Variants in CAMK2B observed in about 807,000 individuals in gnomAD.
CAMK2B encodes calcium/calmodulin dependent protein kinase II beta.
A neutral mutation model predicts 93.7 loss-of-function variants in CAMK2B; 27 were observed. That is an observed-to-expected ratio of 0.29 (90% CI 0.21 to 0.40). The LOEUF (loss-of-function observed/expected upper bound fraction) is 0.40, where lower values mean the gene tolerates loss of function less well. Among genes scored for constraint, CAMK2B ranks in the 10% least tolerant of loss-of-function variants. The probability of loss-of-function intolerance (pLI) is 1.00; values close to 1 mark genes in which losing one functional copy is unlikely to be tolerated. For synonymous variants in CAMK2B, 374 were observed against 358.8 expected (o/e 1.04, Z -0.48); for missense variants, 568 against 895.8 (o/e 0.63, Z 4.67).
chr7:44,292,816 A>G (rs1787227525), intron 1 of CAMK2B, among the ~76,000 whole-genome samples: 1 of 152,220 alleles, frequency 6.6e-6, no homozygotes, highest in African/African-American at 2.4e-5. Context: ...CTGAAGCCAC[A>G]AGAGATGCTT....
intron 2 of CAMK2B, among the ~76,000 whole-genome samples, chr7:44,280,002 C>T (rs889594204): frequency 6.6e-6 from 1 of 152,186 alleles, no homozygotes; most frequent in Admixed American, 6.5e-5. Context: ...CACACAGCGT[C>T]GTAGCTGCTG....
At chr7:44,319,194 AT>A in intron 1 of CAMK2B, among the ~76,000 whole-genome samples, 1 of 152,320 alleles carries the variant, frequency 6.6e-6, no homozygotes, top group Non-Finnish European at 1.5e-5. Flanking sequence ...AGAGAATTAA[AT>A]TTTTTGAAAA....
intron 12 of CAMK2B, among the ~76,000 whole-genome samples, chr7:44,240,017 G>C (rs1051955142): frequency 5.3e-5 from 8 of 152,158 alleles, no homozygotes; most frequent in African/African-American, 1.9e-4. Context: ...GATGGCGGGT[G>C]GGGGGCACCA....
At position 44,220,071 on chromosome 7, in the gene CAMK2B, C is replaced by T. The variant is rs150592735; in HGVS notation, c.1992G>A (p.Pro664=). 3.5e-5 allele frequency: 55 copies of T among 1,588,912 alleles called. 1 individual carries two copies. Among genetic ancestry groups the T allele is most frequent in the African/African-American group, 8.1e-5 (6 of 74,458 alleles). The change falls in exon 23 of 24, where the codon CCG becomes CCA. Residue 664 remains proline, a synonymous_variant. Coordinates refer to ENST00000395749, the MANE Select transcript of CAMK2B (RefSeq NM_001220.5). ...HFHCSGAPVA[P]LQ is the part of the protein sequence containing the mutation. ...CACAGAACACTCACCTTCACTGCAGCGGGGCCACAGGCGCGCCCGAGCAGT... is the reference window on the plus strand; with the variant it reads ...CACAGAACACTCACCTTCACTGCAGTGGGGCCACAGGCGCGCCCGAGCAGT...
At chr7:44,294,602 C>T (rs1043690420) in intron 1 of CAMK2B, among the ~76,000 whole-genome samples, 3 of 152,188 alleles carry the variant, frequency 2.0e-5, no homozygotes, top group African/African-American at 7.2e-5. Context: ...CAACAGGCTA[C>T]CTCCTGGCCC....
rs189861844 is a variant in CAMK2B, at chr7:44,265,432, C to T, written c.161-2368G>A. Among the ~76,000 whole-genome samples the T allele has an allele frequency of 3.0e-4, 45 of 152,340 alleles. 1 individual carries two copies. In the East Asian group the frequency reaches 4.2e-3, roughly 14 times the overall value. ...CCAAGCCCAGGACCACACATCGCCACGGGACGTGTGGGCCAGAGCCAGGCT... is the reference window on the plus strand; with the variant it reads ...CCAAGCCCAGGACCACACATCGCCATGGGACGTGTGGGCCAGAGCCAGGCT... On this transcript the variant is annotated intron_variant, in intron 2 of 23. Coordinates refer to ENST00000395749, the MANE Select transcript of CAMK2B (RefSeq NM_001220.5).
In CAMK2B at chr7:44,288,410, T is replaced by C. The variant is rs1785731188; in HGVS notation, c.66-4185A>G. ...CAGGCAGCTGTAAGGGCACAGCGGG[T>C]TGGGGCAAAGGCAGGAAAAAGCCGG... On this transcript the variant is annotated intron_variant, in intron 1 of 23. Coordinates refer to ENST00000395749, the MANE Select transcript of CAMK2B (RefSeq NM_001220.5). Among the ~76,000 whole-genome samples the C allele has an allele frequency of 2.0e-5, 3 of 152,210 alleles. No individual in the cohort carries two copies. In the South Asian group the frequency reaches 6.2e-4, roughly 32 times the overall value.
intron 1 of CAMK2B, among the ~76,000 whole-genome samples, chr7:44,314,738 C>T (rs955293900): frequency 6.6e-6 from 1 of 152,146 alleles, no homozygotes; most frequent in Non-Finnish European, 1.5e-5. Flanking sequence ...AACTTCACAC[C>T]CTCACCAACA....
chr7:44,273,630 G>A (rs986314502), intron 2 of CAMK2B, among the ~76,000 whole-genome samples: 75 of 152,088 alleles, frequency 4.9e-4, no homozygotes, highest in Admixed American at 4.8e-3. Context: ...GGCTTCCTCC[G>A]GAGACAGCCG....
intron 16 of CAMK2B, among the ~76,000 whole-genome samples, chr7:44,232,599 G>T (rs1305890537): frequency 6.6e-6 from 1 of 152,214 alleles, no homozygotes; most frequent in African/African-American, 2.4e-5. Context: ...ATGGGGACCG[G>T]GCGCAACTGT....
chr7:44,305,972 G>T (rs1295140157), intron 1 of CAMK2B, among the ~76,000 whole-genome samples: 1 of 152,066 alleles, frequency 6.6e-6, no homozygotes, highest in African/African-American at 2.4e-5. Context: ...GTTAAACATT[G>T]ACCAGGCACC....
intron 2 of CAMK2B, among the ~76,000 whole-genome samples, chr7:44,272,265 G>A (rs1306505489): frequency 6.6e-6 from 1 of 152,166 alleles, no homozygotes; most frequent in Non-Finnish European, 1.5e-5. Flanking sequence ...TGGGGGCCAG[G>A]TCAGGATCCT....
intron 13 of CAMK2B, among the ~76,000 whole-genome samples, chr7:44,237,668 C>A (rs573036903): frequency 1.3e-5 from 2 of 151,766 alleles, no homozygotes; most frequent in East Asian, 3.9e-4. Context: ...CCTGTCGATG[C>A]CCATCTACAC....
Position 44,271,717 on chromosome 7 carries a change from T to C in CAMK2B, c.161-8653A>G, listed in dbSNP as rs961071676. Among the ~76,000 whole-genome samples the C allele has an allele frequency of 3.3e-5, 5 of 152,116 alleles. No homozygotes were observed. The highest frequency in any genetic ancestry group is 1.5e-5 in the Non-Finnish European group (1 of 68,004). ...CTGACTCTCCTCCCTGGCTGGTAAA[T>C]GTGAAGTAGAACCAGTCCTGACCCC... On this transcript the variant is annotated intron_variant, in intron 2 of 23. Coordinates refer to ENST00000395749, the MANE Select transcript of CAMK2B (RefSeq NM_001220.5). The surrounding 1 kb of genome is among the most constrained non-coding windows in gnomAD (Gnocchi z 4.2).
chr7:44,276,431 C>A (rs184878794), intron 2 of CAMK2B, among the ~76,000 whole-genome samples: 10,470 of 152,264 alleles, frequency 0.069, 474 homozygotes, highest in Non-Finnish European at 0.093. Context: ...GCAGCACCCC[C>A]CCGCCACCCA....
rs544723981 is a variant in CAMK2B, at chr7:44,228,638, T to G, written c.1468+158A>C. 2.0e-5 allele frequency among the ~76,000 whole-genome samples: 3 copies of G among 152,112 alleles called. No homozygotes were observed. The East Asian group carries it at 5.8e-4, about 30-fold the overall frequency. The stretch of plus-strand genomic sequence containing the variant: ...CCAGGAGCTGCCCTGCTGGTTAGCA[T>G]GGGAGCCCACAGGAAGCCCCGCCAG... On this transcript the variant is annotated intron_variant, in intron 19 of 23. Coordinates refer to ENST00000395749, the MANE Select transcript of CAMK2B (RefSeq NM_001220.5).
intron 1 of CAMK2B, among the ~76,000 whole-genome samples, chr7:44,310,662 G>A (rs1053065520): frequency 6.6e-6 from 1 of 152,150 alleles, no homozygotes; most frequent in African/African-American, 2.4e-5. Context: ...CTACAACATG[G>A]GTGAAACTTG....
chr7:44,313,996 C>T (rs1266855990), intron 1 of CAMK2B, among the ~76,000 whole-genome samples: 1 of 151,936 alleles, frequency 6.6e-6, no homozygotes, highest in Non-Finnish European at 1.5e-5. Context: ...GGGAGGCCGC[C>T]CACCCTGAGC....
intron 1 of CAMK2B, among the ~76,000 whole-genome samples, chr7:44,288,932 G>A (rs554055838): frequency 1.8e-4 from 27 of 152,190 alleles, no homozygotes; most frequent in Admixed American, 6.5e-4. Context: ...CAGGGCAGTC[G>A]GTGTTTCACA....
Sources: allele counts gnomAD v4.1 joint callset (sites outside exome capture counted in the v4.1 genomes callset), GRCh38; gene constraint gnomAD v4.1.1; non-coding constraint Gnocchi (gnomAD v3.1); transcripts MANE v1.5; gene names NCBI Gene and HGNC (gene_info 2026-07-23, HGNC 2026-07-21).